Variants in NGLY1 observed in about 807,000 individuals in gnomAD.
The protein encoded by NGLY1 is peptide-N(4)-(N-acetyl-beta-glucosaminyl)asparagine amidase.
Under a neutral mutation model 84.6 loss-of-function variants are expected in NGLY1, and 68 were observed. The observed-to-expected ratio is 0.80, with a 90% confidence interval of 0.66 to 0.98. NGLY1 has a LOEUF of 0.98. NGLY1 is among the 50% of genes least tolerant of loss of function. NGLY1 has a pLI of 0.00. For missense variants in NGLY1, 779 were observed against 770.2 expected (o/e 1.01, Z -0.14); for synonymous variants, 280 against 275.2 (o/e 1.02, Z -0.17).
chr3:25,784,167 T>C (rs1708552380), upstream of NGLY1: 1 of 152,218 alleles, frequency 6.6e-6, no homozygotes. Flanking sequence ...GGGTTTGTTA[T>C]ATGGATTCTT....
chr3:25,720,289 T>C, intron 10 of NGLY1, 98 bp from the exon 11 acceptor site: 2 of 905,932 alleles, frequency 2.2e-6, no homozygotes, highest in Non-Finnish European at 3.2e-6. Flanking sequence ...CAGGGTAGTA[T>C]GTACAAGTGG....
At chr3:25,749,472 T>C in intron 4 of NGLY1, 3 of 1,393,590 alleles carry the variant, frequency 2.2e-6, no homozygotes, top group Non-Finnish European at 3.0e-6. Flanking sequence ...GTGGCAGCCA[T>C]CTCCTCTTCG....
chr3:25,765,692 A>G (rs1707529517), intron 2 of NGLY1, among the ~76,000 whole-genome samples: 1 of 152,142 alleles, frequency 6.6e-6, no homozygotes, highest in African/African-American at 2.4e-5. Flanking sequence ...TTGCTATAAA[A>G]AAGACAACTA....
intron 10 of NGLY1, among the ~76,000 whole-genome samples, chr3:25,722,212 G>A (rs1575606027): frequency 2.0e-5 from 3 of 147,630 alleles, no homozygotes. Flanking sequence ...GCGAGACTCT[G>A]TCTAAAAAAA....
intron 3 of NGLY1, among the ~76,000 whole-genome samples, chr3:25,753,690 C>T (rs887458008): frequency 2.0e-5 from 3 of 151,694 alleles, no homozygotes; most frequent in African/African-American, 7.3e-5. Flanking sequence ...ATTTAACTTC[C>T]TAACTCTTAA....
intron 3 of NGLY1, among the ~76,000 whole-genome samples, chr3:25,763,347 T>G (rs1018256163): frequency 6.6e-6 from 1 of 152,200 alleles, no homozygotes; most frequent in African/African-American, 2.4e-5. Flanking sequence ...AAAAGATATA[T>G]TCTAACACTG....
At chr3:25,788,015 T>C (rs1178352981), upstream of NGLY1, among the ~76,000 whole-genome samples, 4 of 152,238 alleles carry the variant, frequency 2.6e-5, no homozygotes, top group Non-Finnish European at 5.9e-5. Flanking sequence ...ACAGACCTCA[T>C]TGTCCCTTTT....
intron 4 of NGLY1, among the ~76,000 whole-genome samples, chr3:25,750,373 T>C (rs1706672476): frequency 6.6e-6 from 1 of 152,188 alleles, no homozygotes; most frequent in Non-Finnish European, 1.5e-5. Context: ...CTGAGGTTCA[T>C]TATGCTAAGT....
chr3:25,777,414 A>G (rs1575664888), intron 2 of NGLY1, among the ~76,000 whole-genome samples: 3 of 151,824 alleles, frequency 2.0e-5, no homozygotes, highest in Admixed American at 6.6e-5. Context: ...AAAAAAAAAA[A>G]AAAATTCCCA....
chr3:25,745,117 T>G (rs1706354321), intron 4 of NGLY1, among the ~76,000 whole-genome samples: 1 of 152,216 alleles, frequency 6.6e-6, no homozygotes, highest in African/African-American at 2.4e-5. Context: ...CTGCTGTTTC[T>G]AAAATATCGC....
chr3:25,721,231 T>A (rs142453486), intron 10 of NGLY1, among the ~76,000 whole-genome samples: 16 of 152,176 alleles, frequency 1.1e-4, no homozygotes, highest in African/African-American at 3.6e-4. Context: ...CATGCCTGGC[T>A]AATTTAAAAA....
chr3:25,749,823 T>C (rs942785957), intron 4 of NGLY1: 13 of 1,182,934 alleles, frequency 1.1e-5, no homozygotes, highest in Non-Finnish European at 1.4e-5. Flanking sequence ...AAAGCCATCA[T>C]GGAAAGAGCC....
At chr3:25,773,867 T>G (rs915658437) in intron 2 of NGLY1, among the ~76,000 whole-genome samples, 3 of 152,204 alleles carry the variant, frequency 2.0e-5, no homozygotes, top group African/African-American at 7.2e-5. Flanking sequence ...AGAGCTGGAC[T>G]GCAGTGATTG....
chr3:25,739,633 TG>T lies in NGLY1; in HGVS notation c.824del (p.Ala275GlufsTer49). On this transcript the variant is annotated frameshift_variant, in exon 5 of 12. Coordinates refer to ENST00000280700, the MANE Select transcript of NGLY1 (RefSeq NM_018297.4). LOFTEE classifies it high-confidence loss of function. Reference sequence around the variant, plus strand: ...CACAGTAATGATCTTCCACTTCCTTTGCACCCCACTTCAGCTCATCATCACT... The same window carrying T: ...CACAGTAATGATCTTCCACTTCCTTTCACCCCACTTCAGCTCATCATCACT... ...LPSDDELKWG[A>X]KEVEDHYCDA... The T allele has an allele frequency of 6.2e-7, 1 of 1,614,158 alleles. No individual in the cohort carries two copies. The highest frequency in any genetic ancestry group is 8.5e-7 in the Non-Finnish European group (1 of 1,180,020).
At chr3:25,725,561 A>G (rs1311605204) in intron 10 of NGLY1, among the ~76,000 whole-genome samples, 1 of 152,162 alleles carries the variant, frequency 6.6e-6, no homozygotes, top group African/African-American at 2.4e-5. Flanking sequence ...GGGAGGGGAG[A>G]GTCTTGGGGA....
chr3:25,751,983 T>C (rs1035488266), intron 3 of NGLY1, among the ~76,000 whole-genome samples: 3 of 152,184 alleles, frequency 2.0e-5, no homozygotes, highest in Non-Finnish European at 4.4e-5. Context: ...GTGCAACATG[T>C]ACTGCCCTTC....
At chr3:25,739,424 G>A (rs748718470) in intron 5 of NGLY1, among the ~76,000 whole-genome samples, 153 bp downstream of exon 5, 5 of 152,044 alleles carry the variant, frequency 3.3e-5, no homozygotes, top group East Asian at 1.9e-4. Context: ...ACAGGATGTC[G>A]GCTGGATTTA....
chr3:25,732,439 C>T lies in NGLY1; in HGVS notation c.1305G>A (p.Gln435=), dbSNP rs767739104. ...ATTCAACAAGCTCCACAATTATCCT[C>T]TGGAGAAGTTCTTTCCTTCTGTTTT... ...LSENRRKELL[Q]RIIVELVEFI... The change falls in exon 9 of 12, where the codon CAG becomes CAA. Residue 435 remains glutamine (Q), a synonymous_variant. Transcript: ENST00000280700. 13 of 1,613,506 alleles carry T rather than the reference C, an allele frequency of 8.1e-6. No homozygotes were observed. The highest frequency in any genetic ancestry group is 1.6e-4 in the Middle Eastern group (1 of 6,080).
At chr3:25,781,841 C>A (rs909616307) in intron 1 of NGLY1, among the ~76,000 whole-genome samples, 1 of 152,200 alleles carries the variant, frequency 6.6e-6, no homozygotes, top group Non-Finnish European at 1.5e-5. Context: ...AGAAGTGAGG[C>A]TTCATTACAA....
Sources: gnomAD v4.1 joint callset for allele counts (sites outside exome capture counted in the v4.1 genomes callset) on GRCh38, gnomAD v4.1.1 for gene constraint, MANE v1.5 for transcripts, NCBI Gene and HGNC (gene_info 2026-07-23, HGNC 2026-07-21) for gene names.